RAVER2: variants seen among roughly 807,000 people sequenced by gnomAD.
The protein encoded by RAVER2 is ribonucleoprotein PTB-binding 2.
Under a neutral mutation model 78.1 loss-of-function variants are expected in RAVER2, and 46 were observed. The ratio of observed to expected loss-of-function variants is 0.59; its 90% CI spans 0.46 to 0.75. The LOEUF (loss-of-function observed/expected upper bound fraction) is 0.75. Among genes scored for constraint, RAVER2 ranks in the 30% least tolerant of loss-of-function variants. The pLI is 0.00. For missense variants in RAVER2, 793 were observed against 837.5 expected (o/e 0.95, Z 0.66); for synonymous variants, 311 against 313.3 (o/e 0.99, Z 0.08).
At chr1:64,814,747 C>G in exon 11 of RAVER2, 1 of 1,577,790 alleles carries the variant, frequency 6.3e-7, no homozygotes, top group Non-Finnish European at 8.6e-7. Flanking sequence ...GAATTGCAAG[C>G]AGCATTCTGG....
chr1:64,765,535 A>G (rs1248129935), intron 1 of RAVER2, among the ~76,000 whole-genome samples: 1 of 152,212 alleles, frequency 6.6e-6, no homozygotes, highest in Non-Finnish European at 1.5e-5. Context: ...CCAATTTTAT[A>G]AAACTCACAA....
chr1:64,812,277 G>A (rs1025555737), intron 9 of RAVER2, among the ~76,000 whole-genome samples: 2 of 147,334 alleles, frequency 1.4e-5, no homozygotes, highest in East Asian at 2.0e-4. Flanking sequence ...CAGGAGAATC[G>A]CTTGAACCTG....
intron 4 of RAVER2, among the ~76,000 whole-genome samples, chr1:64,787,831 C>T (rs943089876): frequency 6.6e-6 from 1 of 152,182 alleles, no homozygotes; most frequent in Non-Finnish European, 1.5e-5. Context: ...TGGACCCATG[C>T]ACTCTCATGC....
At chr1:64,770,864 CAAT>C (rs1206258217) in intron 2 of RAVER2, among the ~76,000 whole-genome samples, 2 of 151,560 alleles carry the variant, frequency 1.3e-5, no homozygotes, top group African/African-American at 2.4e-5. Context: ...AACTTGAAAA[CAAT>C]GATGTAAGTG....
At chr1:64,776,916 C>G (rs1652479518) in intron 2 of RAVER2, among the ~76,000 whole-genome samples, 1 of 152,134 alleles carries the variant, frequency 6.6e-6, no homozygotes, top group African/African-American at 2.4e-5. Context: ...GCTGGAACAA[C>G]TTCATTAGCT....
rs531265824 is a variant in RAVER2, at chr1:64,782,843, TTACAC to T, written c.978+1274_978+1278del. On this transcript the variant is annotated intron_variant, in intron 4 of 11. Transcript: ENST00000294428. ...GTTTGCTGCACCCATCAACTCGTCA[TTACAC>T]TGGGCATTTCTCCCAATGCTATCAA... Among the ~76,000 whole-genome samples the T allele has an allele frequency of 1.4e-4, 21 of 152,282 alleles. No homozygotes were observed. The East Asian group carries it at 3.7e-3, about 27-fold the overall frequency.
At chr1:64,788,518 T>G (rs34950359) in intron 4 of RAVER2, among the ~76,000 whole-genome samples, 29,809 of 148,442 alleles carry the variant, frequency 0.2, 3,139 homozygotes, top group East Asian at 0.29. Flanking sequence ...TTTGGGTCAG[T>G]CGCGGTGGCT....
intron 9 of RAVER2, 38 bp downstream of exon 9, chr1:64,807,512 A>G (rs1256047526): frequency 6.4e-7 from 1 of 1,562,772 alleles, no homozygotes; most frequent in Admixed American, 1.8e-5. Context: ...GTATATATAC[A>G]TGTATATGTA....
At chr1:64,763,553 A>G (rs1320041515) in intron 1 of RAVER2, among the ~76,000 whole-genome samples, 1 of 152,172 alleles carries the variant, frequency 6.6e-6, no homozygotes, top group Admixed American at 6.5e-5. Flanking sequence ...TATTCTGCCA[A>G]TAAGTGTGCA....
intron 1 of RAVER2, among the ~76,000 whole-genome samples, chr1:64,767,390 T>G (rs905998876): frequency 1.3e-5 from 2 of 152,054 alleles, no homozygotes; most frequent in Non-Finnish European, 2.9e-5. Flanking sequence ...AGAGTGAATC[T>G]CCTCTCAGCA....
At chr1:64,786,658 T>C (rs1401837948) in intron 4 of RAVER2, among the ~76,000 whole-genome samples, 1 of 152,108 alleles carries the variant, frequency 6.6e-6, no homozygotes, top group Non-Finnish European at 1.5e-5. Flanking sequence ...CCAGGTGCGG[T>C]GGCAAGCACC....
intron 10 of RAVER2, 42 bp downstream of exon 10, chr1:64,812,891 A>G: frequency 7.3e-7 from 1 of 1,377,008 alleles, no homozygotes; most frequent in Non-Finnish European, 9.9e-7. Context: ...GTTTTACTGA[A>G]TACTTTTCAT....
chr1:64,828,609 T>C (rs1021016314), intron 11 of RAVER2, among the ~76,000 whole-genome samples: 1 of 152,150 alleles, frequency 6.6e-6, no homozygotes, highest in African/African-American at 2.4e-5. Flanking sequence ...TCAGAAGAAT[T>C]ACCTTTCTCC....
At chr1:64,819,230 T>C (rs1191684350) in intron 11 of RAVER2, among the ~76,000 whole-genome samples, 1 of 152,078 alleles carries the variant, frequency 6.6e-6, no homozygotes, top group Non-Finnish European at 1.5e-5. Context: ...ACAGCTATTA[T>C]AAATATGTTT....
At chr1:64,805,985 A>G (rs1476292344) in intron 8 of RAVER2, among the ~76,000 whole-genome samples, 1 of 152,198 alleles carries the variant, frequency 6.6e-6, no homozygotes, top group Non-Finnish European at 1.5e-5. Context: ...CGCTTTAAGA[A>G]CACTGAAAAG....
rs560391416 is a variant in RAVER2, at chr1:64,785,903, C to T, written c.979-3485C>T. ...ATTTCAACATATTATATAATAACAT[C>T]TTGCATTTATTTCTTTTCTTGCTGG... On this transcript the variant is annotated intron_variant, in intron 4 of 11. Coordinates refer to ENST00000294428, the Ensembl canonical transcript of RAVER2. Among the ~76,000 whole-genome samples, 8 of 152,022 alleles carry T rather than the reference C, an allele frequency of 5.3e-5. No homozygotes were observed. In the South Asian group the frequency reaches 1.7e-3, roughly 32 times the overall value.
chr1:64,830,999 C>A (rs751644114), exon 12 of RAVER2: 2 of 1,610,492 alleles, frequency 1.2e-6, no homozygotes, highest in Non-Finnish European at 1.7e-6. Flanking sequence ...AAGCTCTCTC[C>A]TAATAACCCC....
chr1:64,827,091 C>T (rs1654020241), intron 11 of RAVER2, among the ~76,000 whole-genome samples: 2 of 152,194 alleles, frequency 1.3e-5, no homozygotes, highest in South Asian at 4.2e-4. Context: ...TGAGAACCAT[C>T]GCATTCCTGT....
intron 8 of RAVER2, among the ~76,000 whole-genome samples, chr1:64,806,730 G>T (rs1336587639): frequency 1.3e-5 from 2 of 152,150 alleles, no homozygotes; most frequent in African/African-American, 4.8e-5. Flanking sequence ...ATGGAAGCCA[G>T]CTAACCAAAT....
Sources: gnomAD v4.1 joint callset for allele counts (sites outside exome capture counted in the v4.1 genomes callset) on GRCh38, gnomAD v4.1.1 for gene constraint, MANE v1.5 for transcripts, NCBI Gene and HGNC (gene_info 2026-07-23, HGNC 2026-07-21) for gene names.